The following SRGAP1 variants were observed in gnomAD, a reference collection of about 807,000 sequenced individuals.
SRGAP1 encodes SLIT-ROBO Rho GTPase-activating protein 1.
In SRGAP1, 43 loss-of-function variants were observed where a neutral mutation model predicts 121.9. The observed-to-expected ratio is 0.35, with a 90% CI of 0.28 to 0.46. The LOEUF is 0.46. Ranked by LOEUF, SRGAP1 falls within the 20% of genes least tolerant of loss-of-function variation. The probability of loss-of-function intolerance (pLI) is 1.00; values close to 1 mark genes in which losing one functional copy is unlikely to be tolerated. For missense variants in SRGAP1, 1,102 were observed against 1,350.9 expected (o/e 0.82, Z 2.89); for synonymous variants, 447 against 485.4 (o/e 0.92, Z 1.04).
chr12:64,123,536 CATAG>C (rs1188114469), intron 18 of SRGAP1, among the ~76,000 whole-genome samples: 2 of 152,102 alleles, frequency 1.3e-5, no homozygotes, highest in Admixed American at 1.3e-4. Flanking sequence ...GAAGCAGACA[CATAG>C]ATGTTTAATA....
At chr12:63,995,875 G>GA (rs555300587) in intron 3 of SRGAP1, among the ~76,000 whole-genome samples, 18 of 148,674 alleles carry the variant, frequency 1.2e-4, no homozygotes, top group African/African-American at 2.7e-4. Flanking sequence ...ACCCCAACAT[G>GA]AAAAAAAAAG....
chr12:63,974,462 C>T (rs574188010), intron 1 of SRGAP1, among the ~76,000 whole-genome samples: 4 of 151,982 alleles, frequency 2.6e-5, no homozygotes, highest in African/African-American at 4.8e-5. Context: ...ATTTACTTTA[C>T]TTTCACATGT....
chr12:63,880,318 G>A (rs572307321), intron 1 of SRGAP1, among the ~76,000 whole-genome samples: 60 of 152,060 alleles, frequency 3.9e-4, no homozygotes, highest in African/African-American at 1.4e-3. Flanking sequence ...TGCAACCTCC[G>A]CCTCCTGGGT....
At chr12:64,010,050 T>G (rs1220720418) in intron 3 of SRGAP1, among the ~76,000 whole-genome samples, 1 of 152,138 alleles carries the variant, frequency 6.6e-6, no homozygotes, top group Admixed American at 6.5e-5. Flanking sequence ...CTTTGGAAAC[T>G]TAAAAGCACA....
At chr12:63,976,999 G>C (rs1314388756) in intron 1 of SRGAP1, among the ~76,000 whole-genome samples, 1 of 151,944 alleles carries the variant, frequency 6.6e-6, no homozygotes, top group Non-Finnish European at 1.5e-5. Flanking sequence ...TAGTGAAGTG[G>C]AGAAATTGCC....
chr12:63,988,885 G>C (rs1319115635), intron 2 of SRGAP1, among the ~76,000 whole-genome samples: 1 of 152,078 alleles, frequency 6.6e-6, no homozygotes, highest in Non-Finnish European at 1.5e-5. Context: ...ATCTCGGCTC[G>C]CTGCAACCTC....
chr12:63,950,777 T>G (rs2032261225), intron 1 of SRGAP1, among the ~76,000 whole-genome samples: 1 of 152,156 alleles, frequency 6.6e-6, no homozygotes, highest in Admixed American at 6.5e-5. Flanking sequence ...TTGAGATGTG[T>G]TGGAAGCCTT....
chr12:64,089,723 C>T (rs1393082445), intron 11 of SRGAP1, among the ~76,000 whole-genome samples: 2 of 152,174 alleles, frequency 1.3e-5, no homozygotes, highest in African/African-American at 4.8e-5. Context: ...ATATTCTCTC[C>T]TAGACACTTG....
At chr12:64,052,658 T>C (rs1175213648) in intron 6 of SRGAP1, among the ~76,000 whole-genome samples, 2 of 152,190 alleles carry the variant, frequency 1.3e-5, no homozygotes, top group Non-Finnish European at 2.9e-5. Flanking sequence ...AAATGATAGA[T>C]ATATGCCTTA....
chr12:64,015,495 A>G (rs1385514196), intron 3 of SRGAP1, among the ~76,000 whole-genome samples: 1 of 152,222 alleles, frequency 6.6e-6, no homozygotes, highest in Non-Finnish European at 1.5e-5. Flanking sequence ...TAGATACTCC[A>G]GGGAAATTCA....
intron 1 of SRGAP1, 140 bp from the exon 2 acceptor site, chr12:63,983,797 AATATATATAT>A (rs71911661): frequency 0.026 from 1,689 of 64,530 alleles, 17 homozygotes; most frequent in Non-Finnish European, 0.027. Flanking sequence ...ATACATTTAA[AATATATATAT>A]ATATATATAT....
intron 1 of SRGAP1, among the ~76,000 whole-genome samples, chr12:63,928,023 A>G (rs2031324716): frequency 6.6e-6 from 1 of 152,180 alleles, no homozygotes; most frequent in Admixed American, 6.5e-5. Context: ...TAACAGAACC[A>G]GTATTTTCAG....
rs777211262 is a variant in SRGAP1 at position 64,112,030 on chromosome 12, G to C, written c.2144+44G>C. 6 of 1,461,624 alleles carry C rather than the reference G, an allele frequency of 4.1e-6. No individual in the cohort carries two copies. The East Asian group carries it at 1.4e-4, about 33-fold the overall frequency. 90.5% of individuals were successfully genotyped at this position (1,461,624 alleles called of 1,614,324 possible). On this transcript the variant is annotated intron_variant, in intron 17 of 21. Transcript: ENST00000355086. ...GTCCTCCTCTCCCACCGAAAATTAT[G>C]GAAATATAGCTATCAATTTGATTAG...
chr12:64,018,676 T>C (rs2034471149), intron 4 of SRGAP1, among the ~76,000 whole-genome samples: 1 of 152,238 alleles, frequency 6.6e-6, no homozygotes, highest in Non-Finnish European at 1.5e-5. Context: ...AGTTTCTATG[T>C]GTTCCTCCTT....
chr12:64,005,824 C>G (rs1443213699), intron 3 of SRGAP1, among the ~76,000 whole-genome samples: 1 of 151,936 alleles, frequency 6.6e-6, no homozygotes, highest in African/African-American at 2.4e-5. Flanking sequence ...TTTTCTGAAA[C>G]CTAACTTTAC....
chr12:63,905,274 T>C (rs887218980), intron 1 of SRGAP1, among the ~76,000 whole-genome samples: 1 of 152,160 alleles, frequency 6.6e-6, no homozygotes, highest in Non-Finnish European at 1.5e-5. Flanking sequence ...TTATGATCAT[T>C]TATCAAAGTC....
intron 1 of SRGAP1, among the ~76,000 whole-genome samples, chr12:63,930,323 T>G (rs1004883273): frequency 4.0e-5 from 5 of 124,832 alleles, no homozygotes; most frequent in Non-Finnish European, 8.1e-5. Context: ...AAACATCGTC[T>G]CTACTAAAAA....
intron 3 of SRGAP1, among the ~76,000 whole-genome samples, chr12:63,997,881 A>G (rs1430499245): frequency 6.6e-6 from 1 of 152,180 alleles, no homozygotes; most frequent in Non-Finnish European, 1.5e-5. Flanking sequence ...CAGATTCTAC[A>G]TGGGCTCCAA....
intron 3 of SRGAP1, among the ~76,000 whole-genome samples, chr12:64,006,780 A>G (rs148170302): frequency 4.4e-4 from 67 of 150,900 alleles, no homozygotes; most frequent in African/African-American, 1.4e-3. Flanking sequence ...CTGGGGGGGA[A>G]AAAAGAATTA....
Sources: allele counts gnomAD v4.1 joint callset (sites outside exome capture counted in the v4.1 genomes callset), GRCh38; gene constraint gnomAD v4.1.1; transcripts MANE v1.5; gene names NCBI Gene and HGNC (gene_info 2026-07-23, HGNC 2026-07-21).